Variants in AP3M2 observed in about 807,000 individuals in gnomAD.
AP3M2 encodes adaptor related protein complex 3 subunit mu 2.
A neutral mutation model predicts 41.6 loss-of-function variants in AP3M2; 28 were observed. The observed-to-expected ratio is 0.67, with a 90% confidence interval of 0.50 to 0.92. The LOEUF (loss-of-function observed/expected upper bound fraction) is 0.92. Ranked by LOEUF, AP3M2 falls within the 40% of genes least tolerant of loss-of-function variation. The probability of loss-of-function intolerance (pLI) is 0.00; values close to 1 mark genes in which losing one functional copy is unlikely to be tolerated. For missense variants in AP3M2, 427 were observed against 521.4 expected (o/e 0.82, Z 1.76); for synonymous variants, 193 against 186.4 (o/e 1.04, Z -0.29).
At chr8:42,155,087 C>T (rs1334285877) in intron 2 of AP3M2, 127 bp downstream of exon 2, 1 of 749,866 alleles carries the variant, frequency 1.3e-6, no homozygotes, top group African/African-American at 1.7e-5. Context: ...TACTCACTTC[C>T]TCTCCCATCT....
chr8:42,168,918 G>T (rs1050873918), intron 8 of AP3M2, 43 bp from the exon 9 acceptor site: 2 of 1,470,190 alleles, frequency 1.4e-6, no homozygotes, highest in African/African-American at 1.4e-5. Context: ...TGCTCCTTTT[G>T]AATAATACTC....
intron 8 of AP3M2, among the ~76,000 whole-genome samples, chr8:42,168,432 G>A (rs1488980586): frequency 6.6e-6 from 1 of 152,064 alleles, no homozygotes; most frequent in Non-Finnish European, 1.5e-5. Context: ...CTGTTTTTCT[G>A]TACAAACGGG....
rs1010781668 is a variant in AP3M2 at position 42,167,573 on chromosome 8, G to T, written c.1012-93G>T. ...GCAGCTTATAATGTTGTGGACAGGTGCCCTGAGTTTAGATCTCAGCCACCT... is the reference window on the plus strand; with the variant it reads ...GCAGCTTATAATGTTGTGGACAGGTTCCCTGAGTTTAGATCTCAGCCACCT... On this transcript the variant is annotated intron_variant, in intron 7 of 8. Coordinates refer to ENST00000396926, the MANE Select transcript of AP3M2 (RefSeq NM_006803.4). 12 of 1,480,864 alleles carry T rather than the reference G, an allele frequency of 8.1e-6. No homozygotes were observed. In the African/African-American group the frequency reaches 1.4e-4, roughly 17 times the overall value. The allele number at this position is 1,480,864 out of a possible 1,614,324, so 91.7% of individuals were successfully genotyped here.
intron 4 of AP3M2, among the ~76,000 whole-genome samples, chr8:42,164,091 C>T (rs1804577470): frequency 6.6e-6 from 1 of 152,128 alleles, no homozygotes; most frequent in South Asian, 2.1e-4. Context: ...AGGCCCAAAA[C>T]ATAGATGTCC....
Position 42,167,760 on chromosome 8 carries a change from A to C in AP3M2, c.1106A>C (p.Glu369Ala), listed in dbSNP as rs553575238. The C allele has an allele frequency of 6.2e-7, 1 of 1,614,112 alleles. No homozygotes were observed. The highest frequency in any genetic ancestry group is 2.2e-5 in the East Asian group (1 of 44,888). The change falls in exon 8 of 9, where the codon GAA becomes GCA. Residue 369 changes from glutamate to alanine, a missense_variant. This residue lies in a region of AP3M2 where 237 missense variants were observed against 284.9 expected (regional missense o/e 0.83). Coordinates refer to ENST00000396926, the MANE Select transcript of AP3M2 (RefSeq NM_006803.4). ...CAGGCTGGAGCTTCCAAACCAGATG[A>C]AAACCCCACAATTAACCTGCAGTTT... ...SLQAGASKPD[E>A]NPTINLQFKI...
In AP3M2 at chr8:42,169,294, T is replaced by C; in HGVS notation, c.*233T>C. On this transcript the variant is annotated 3_prime_UTR_variant, in exon 9 of 9. Transcript: ENST00000396926. Reference sequence around the variant, plus strand: ...CAGTTCTCAAGGACAAGGTGTGTGATGGGGGTAGGAAGCTTGGTGCTTATG... The same window carrying C: ...CAGTTCTCAAGGACAAGGTGTGTGACGGGGGTAGGAAGCTTGGTGCTTATG... 2.5e-6 allele frequency: 1 copy of C among 394,278 alleles called. No homozygotes were observed. The highest frequency in any genetic ancestry group is 4.5e-6 in the Non-Finnish European group (1 of 223,182). The allele number at this position is 394,278 out of a possible 1,614,324, so 24.4% of individuals were successfully genotyped here. A position where few individuals can be genotyped will look rare whatever the true frequency, so the allele number is the denominator to read the frequency against.
intron 3 of AP3M2, 133 bp downstream of exon 3, chr8:42,158,245 TAG>T: frequency 4.8e-6 from 4 of 835,914 alleles, no homozygotes; most frequent in Non-Finnish European, 6.7e-6. Flanking sequence ...TTGCTCTTTG[TAG>T]TTGTTTTTTT....
intron 2 of AP3M2, 36 bp downstream of exon 2, chr8:42,154,996 G>A (rs2150956554): frequency 3.2e-6 from 5 of 1,555,004 alleles, no homozygotes; most frequent in South Asian, 2.3e-5. Flanking sequence ...TATGTAAACC[G>A]TAAAGTGTCT....
chr8:42,154,728 T>C lies in AP3M2; in HGVS notation c.41T>C (p.Ile14Thr). The stretch of plus-strand genomic sequence containing the variant: ...TTCTTGATCAACTCCTCTGGAGACA[T>C]TTTCCTGGAGAAACATTGGAAAAGT... The part of the protein sequence containing the change: ...SLFLINSSGD[I>T]FLEKHWKSVV... The change falls in exon 2 of 9, where the codon ATT (isoleucine) becomes ACT (threonine). Residue 14 changes from isoleucine (I) to threonine (T), a missense_variant. Physicochemically the swap from Ile to Thr is moderately conservative, Grantham distance 89. Coordinates refer to ENST00000396926, the MANE Select transcript of AP3M2 (RefSeq NM_006803.4). 6.2e-7 allele frequency: 1 copy of C among 1,614,110 alleles called. No homozygotes were observed. Among genetic ancestry groups the C allele is most frequent in the Non-Finnish European group, 8.5e-7 (1 of 1,180,008 alleles).
intron 6 of AP3M2, among the ~76,000 whole-genome samples, chr8:42,166,287 C>T: frequency 6.6e-6 from 1 of 152,108 alleles, no homozygotes; most frequent in East Asian, 1.9e-4. Context: ...GTATCTACTT[C>T]ATACTTATTG....
At position 42,169,660 on chromosome 8, in the gene AP3M2, C is replaced by T. The variant is rs1190590067; in HGVS notation, c.*599C>T. The T allele has an allele frequency of 6.6e-6, 1 of 152,170 alleles. No individual in the cohort carries two copies. Among genetic ancestry groups the T allele is most frequent in the East Asian group, 1.9e-4 (1 of 5,194 alleles). The allele number at this position is 152,170 out of a possible 1,614,324, so 9.4% of individuals were successfully genotyped here. Reference sequence around the variant, plus strand: ...GATTCCTCTACTCATGTAGAAAACACTTGTACTTCTGGAAATGGACTGGAG... The same window carrying T: ...GATTCCTCTACTCATGTAGAAAACATTTGTACTTCTGGAAATGGACTGGAG... On this transcript the variant is annotated 3_prime_UTR_variant, in exon 9 of 9. Transcript: ENST00000396926.
chr8:42,155,730 C>T (rs1242036074), intron 2 of AP3M2: 1 of 234,494 alleles, frequency 4.3e-6, no homozygotes, highest in African/African-American at 2.3e-5. Context: ...TGGTTATTTG[C>T]ATAACTCAAA....
intron 1 of AP3M2, 117 bp from the exon 2 acceptor site, chr8:42,154,499 T>C (rs901879356): frequency 6.9e-6 from 5 of 725,742 alleles, no homozygotes; most frequent in African/African-American, 5.3e-5. Context: ...TTCAGGCTCA[T>C]GCAGGAGGGG....
chr8:42,157,892 T>C, intron 2 of AP3M2, 49 bp from the exon 3 acceptor site: 2 of 1,522,330 alleles, frequency 1.3e-6, no homozygotes, highest in Non-Finnish European at 1.8e-6. Flanking sequence ...ATTTATTTAT[T>C]TATTTTACAG....
intron 3 of AP3M2, among the ~76,000 whole-genome samples, chr8:42,158,439 G>T (rs999812567): frequency 6.6e-6 from 1 of 151,926 alleles, no homozygotes; most frequent in Non-Finnish European, 1.5e-5. Flanking sequence ...AGTAGAGATG[G>T]TGTTTCACTA....
At position 42,167,345 on chromosome 8, in the gene AP3M2, A is replaced by G. The variant is rs1804668944; in HGVS notation, c.985A>G (p.Thr329Ala). 6.2e-7 allele frequency: 1 copy of G among 1,614,054 alleles called. No individual in the cohort carries two copies. ...LNMSLTPSQG[T>A]HTFDPVTKML... ...CATGAGCCTTACTCCATCACAGGGG[A>G]CACACACATTCGACCCAGTCACAAA... Residue 329 changes from threonine to alanine, a missense_variant, in exon 7 of 9, where the codon ACA (threonine) becomes GCA (alanine). Thr to Ala is a moderately conservative substitution (Grantham distance 58, BLOSUM62 0). Transcript: ENST00000396926.
At chr8:42,156,075 G>C (rs1412099933) in intron 2 of AP3M2, 1 of 452,274 alleles carries the variant, frequency 2.2e-6, no homozygotes, top group South Asian at 1.6e-5. Context: ...AGAACTAGAA[G>C]AACCCAGGAG....
At chr8:42,164,346 A>G (rs1244786204) in intron 4 of AP3M2, among the ~76,000 whole-genome samples, 2 of 152,192 alleles carry the variant, frequency 1.3e-5, no homozygotes, top group Non-Finnish European at 2.9e-5. Flanking sequence ...ATCCAAGTGG[A>G]GATGTCCATT....
chr8:42,156,815 C>T (rs1804366169), intron 2 of AP3M2, among the ~76,000 whole-genome samples: 2 of 152,024 alleles, frequency 1.3e-5, no homozygotes, highest in African/African-American at 4.8e-5. Context: ...GAAACCATAC[C>T]TTATCATGAA....
Sources: gnomAD v4.1 joint callset for allele counts (sites outside exome capture counted in the v4.1 genomes callset) on GRCh38, gnomAD v4.1.1 for gene constraint, gnomAD v4.1.1 regional missense constraint, MANE v1.5 for transcripts, NCBI Gene and HGNC (gene_info 2026-07-23, HGNC 2026-07-21) for gene names.